Variants in NKAIN2 observed in about 807,000 individuals in gnomAD.
NKAIN2 encodes the protein sodium/potassium transporting ATPase interacting 2.
Under a neutral mutation model 32.6 loss-of-function variants are expected in NKAIN2, and 14 were observed. The ratio of observed to expected loss-of-function variants is 0.43; its 90% CI spans 0.28 to 0.67. The LOEUF (loss-of-function observed/expected upper bound fraction) is 0.67. Ranked by LOEUF, NKAIN2 falls within the 30% of genes least tolerant of loss-of-function variation. The pLI is 0.17. For synonymous variants in NKAIN2, 80 were observed against 87.2 expected (o/e 0.92, Z 0.46); for missense variants, 198 against 258.3 (o/e 0.77, Z 1.60).
intron 1 of NKAIN2, among the ~76,000 whole-genome samples, chr6:124,114,636 T>C (rs145143290): frequency 6.6e-6 from 1 of 152,066 alleles, no homozygotes; most frequent in African/African-American, 2.4e-5. Context: ...TCCTCCATAA[T>C]TGGACCCATT....
At chr6:124,442,702 T>A (rs1583260442) in intron 3 of NKAIN2, among the ~76,000 whole-genome samples, 1 of 152,152 alleles carries the variant, frequency 6.6e-6, no homozygotes, top group East Asian at 1.9e-4. Flanking sequence ...CTCTACCCTA[T>A]GTTCAGTCAC....
intron 1 of NKAIN2, among the ~76,000 whole-genome samples, chr6:124,213,758 A>G (rs770276215): frequency 2.6e-5 from 4 of 152,166 alleles, no homozygotes; most frequent in African/African-American, 4.8e-5. Context: ...TAGTGATTTA[A>G]TTCTCACAGA....
intron 2 of NKAIN2, among the ~76,000 whole-genome samples, chr6:124,353,192 AAGTT>A (rs1300960425): frequency 2.0e-5 from 3 of 152,126 alleles, no homozygotes; most frequent in African/African-American, 4.8e-5. Context: ...GCAAAGTACT[AAGTT>A]AGGAACCTAG....
chr6:124,193,371 G>A (rs894600247), intron 1 of NKAIN2, among the ~76,000 whole-genome samples: 4 of 152,210 alleles, frequency 2.6e-5, no homozygotes, highest in South Asian at 2.1e-4. Flanking sequence ...CAGCAGGGCA[G>A]GCAGCTCCAG....
At chr6:124,808,231 C>T (rs1179014911) in intron 5 of NKAIN2, among the ~76,000 whole-genome samples, 1 of 151,448 alleles carries the variant, frequency 6.6e-6, no homozygotes, top group African/African-American at 2.4e-5. Flanking sequence ...TGCAAAAATC[C>T]TCAATAAAAT....
intron 1 of NKAIN2, among the ~76,000 whole-genome samples, chr6:123,954,578 C>A (rs1777478960): frequency 1.3e-5 from 2 of 152,302 alleles, no homozygotes; most frequent in South Asian, 4.1e-4. Context: ...TGATTACCTA[C>A]TCACTATTTT....
At chr6:124,234,227 C>T (rs987093050) in intron 1 of NKAIN2, among the ~76,000 whole-genome samples, 1 of 152,098 alleles carries the variant, frequency 6.6e-6, no homozygotes, top group African/African-American at 2.4e-5. Context: ...GCTACAGTTC[C>T]TAAAATTTTA....
At chr6:124,637,050 A>G (rs1047680909) in intron 3 of NKAIN2, among the ~76,000 whole-genome samples, 5 of 152,056 alleles carry the variant, frequency 3.3e-5, no homozygotes, top group Admixed American at 3.3e-4. Context: ...ATAATCAAGT[A>G]AGATTTATCT....
At chr6:124,101,792 A>AGTCAAGCAGATGCGGATGTGAGCC (rs1327174434) in intron 1 of NKAIN2, among the ~76,000 whole-genome samples, 5 of 152,148 alleles carry the variant, frequency 3.3e-5, no homozygotes, top group African/African-American at 1.2e-4. Context: ...GACTTAGGTG[A>AGTCAAGCAGATGCGGATGTGAGCC]GTCAAGCAGA....
chr6:124,554,996 G>A (rs1169699466), intron 3 of NKAIN2, among the ~76,000 whole-genome samples: 1 of 143,140 alleles, frequency 7.0e-6, no homozygotes, highest in Non-Finnish European at 1.5e-5. Flanking sequence ...ATCATCTCTT[G>A]TTTCCTGCAC....
intron 1 of NKAIN2, among the ~76,000 whole-genome samples, chr6:123,871,684 G>A (rs187218695): frequency 9.2e-5 from 14 of 152,270 alleles, no homozygotes; most frequent in Admixed American, 3.3e-4. Context: ...TAGACTTCTC[G>A]TATGGAAGTG....
chr6:124,156,725 C>T (rs943287091), intron 1 of NKAIN2, among the ~76,000 whole-genome samples: 8 of 151,976 alleles, frequency 5.3e-5, no homozygotes, highest in African/African-American at 1.9e-4. Flanking sequence ...TAAACATCAC[C>T]CAACTGCCTT....
At chr6:124,604,480 C>A (rs60879407) in intron 3 of NKAIN2, among the ~76,000 whole-genome samples, 74 of 151,888 alleles carry the variant, frequency 4.9e-4, no homozygotes, top group African/African-American at 1.7e-3. Flanking sequence ...TCCCTCACAT[C>A]TTTTCTATTC....
At chr6:123,950,355 A>G (rs979668727) in intron 1 of NKAIN2, among the ~76,000 whole-genome samples, 9 of 151,972 alleles carry the variant, frequency 5.9e-5, no homozygotes, top group African/African-American at 2.2e-4. Flanking sequence ...CCAATTTTTT[A>G]AAACAGTTTG....
intron 1 of NKAIN2, among the ~76,000 whole-genome samples, chr6:124,217,285 G>C (rs1319411778): frequency 1.3e-5 from 2 of 151,964 alleles, no homozygotes. Flanking sequence ...ATTACATGTG[G>C]TTATAAATCA....
chr6:124,228,760 G>T (rs568433528), intron 1 of NKAIN2, among the ~76,000 whole-genome samples: 2 of 152,144 alleles, frequency 1.3e-5, no homozygotes, highest in Non-Finnish European at 2.9e-5. Context: ...CCCTTTTTCT[G>T]TTTCAATGAA....
intron 1 of NKAIN2, among the ~76,000 whole-genome samples, chr6:124,028,832 C>T (rs970594152): frequency 7.2e-6 from 1 of 138,774 alleles, no homozygotes; most frequent in African/African-American, 2.8e-5. Context: ...TATATATATA[C>T]ATATATATGT....
chr6:124,642,058 AC>A (rs779280038), intron 3 of NKAIN2, among the ~76,000 whole-genome samples: 66 of 152,272 alleles, frequency 4.3e-4, no homozygotes, highest in Non-Finnish European at 8.4e-4. Flanking sequence ...TCCCAAAGTT[AC>A]CCATAGTTGA....
chr6:124,176,294 T>C (rs1005490341), intron 1 of NKAIN2, among the ~76,000 whole-genome samples: 5 of 152,164 alleles, frequency 3.3e-5, no homozygotes, highest in Non-Finnish European at 7.4e-5. Context: ...TGTAAAAAAA[T>C]GCATTATCTG....
Sources: gnomAD v4.1 joint callset for allele counts (sites outside exome capture counted in the v4.1 genomes callset) on GRCh38, gnomAD v4.1.1 for gene constraint, MANE v1.5 for transcripts, NCBI Gene and HGNC (gene_info 2026-07-23, HGNC 2026-07-21) for gene names.